The following NFIA variants were observed in gnomAD, a reference collection of about 807,000 sequenced individuals.
The protein encoded by NFIA is nuclear factor 1 A-type.
Under a neutral mutation model 62.8 loss-of-function variants are expected in NFIA, and 8 were observed. That is an observed-to-expected ratio of 0.13 (90% confidence interval 0.07 to 0.23). NFIA has a LOEUF of 0.23. Among genes scored for constraint, NFIA ranks in the 10% least tolerant of loss-of-function variants. NFIA has a pLI of 1.00. For missense variants in NFIA, 410 were observed against 642.1 expected, an observed-to-expected ratio of 0.64 and a Z score of 3.91; for synonymous variants, 235 against 238.1, an observed-to-expected ratio of 0.99 and a Z score of 0.12.
chr1:61,413,300 T>C (rs1402709762), intron 9 of NFIA, among the ~76,000 whole-genome samples: 2 of 152,188 alleles, frequency 1.3e-5, no homozygotes, highest in Non-Finnish European at 2.9e-5. Flanking sequence ...GGATTTAAAA[T>C]TTCTCGTATA....
chr1:61,362,023 G>A (rs1274232924), intron 6 of NFIA, among the ~76,000 whole-genome samples: 1 of 152,068 alleles, frequency 6.6e-6, no homozygotes, highest in Non-Finnish European at 1.5e-5. Flanking sequence ...CAAGGCCTGA[G>A]GGGACATTAA....
At chr1:61,431,579 G>A (rs1426540617) in intron 10 of NFIA, among the ~76,000 whole-genome samples, 1 of 152,238 alleles carries the variant, frequency 6.6e-6, no homozygotes, top group Non-Finnish European at 1.5e-5. Flanking sequence ...AAAGGCACAG[G>A]TGCTATAACC....
chr1:61,309,257 C>T (rs566148926), intron 3 of NFIA, among the ~76,000 whole-genome samples: 16 of 150,094 alleles, frequency 1.1e-4, no homozygotes, highest in African/African-American at 3.7e-4. Flanking sequence ...CTACATGTGA[C>T]GTGTGTCCTA....
chr1:61,282,146 T>C (rs193218802), intron 3 of NFIA, among the ~76,000 whole-genome samples: 4 of 152,222 alleles, frequency 2.6e-5, no homozygotes. Context: ...GAATAGGACA[T>C]CAAGTTGTCC....
At chr1:61,348,815 C>T (rs1438137688) in intron 4 of NFIA, among the ~76,000 whole-genome samples, 2 of 152,174 alleles carry the variant, frequency 1.3e-5, no homozygotes, top group East Asian at 1.9e-4. Flanking sequence ...CTTCCAAGAG[C>T]GAGGGAGTGA....
At chr1:61,238,103 T>C (rs563058309) in intron 2 of NFIA, among the ~76,000 whole-genome samples, 2 of 152,326 alleles carry the variant, frequency 1.3e-5, no homozygotes, top group South Asian at 4.1e-4. Flanking sequence ...CAATTCAAGA[T>C]TATGTGATTA....
At chr1:61,363,165 T>G (rs901173536) in intron 6 of NFIA, among the ~76,000 whole-genome samples, 6 of 152,218 alleles carry the variant, frequency 3.9e-5, no homozygotes, top group African/African-American at 7.2e-5. Flanking sequence ...CCCACACAGA[T>G]AGTAAATCTG....
intron 2 of NFIA, among the ~76,000 whole-genome samples, chr1:61,102,674 T>C (rs142886629): frequency 2.6e-5 from 4 of 152,346 alleles, no homozygotes; most frequent in South Asian, 2.1e-4. Flanking sequence ...GTTAGAATTA[T>C]GAGTCTGCAG....
intron 2 of NFIA, among the ~76,000 whole-genome samples, chr1:61,121,517 A>T (rs1646886769): frequency 6.6e-6 from 1 of 152,026 alleles, no homozygotes; most frequent in Admixed American, 6.6e-5. Flanking sequence ...AAATTAAAAT[A>T]TTTTTTCTGT....
intron 8 of NFIA, among the ~76,000 whole-genome samples, chr1:61,406,217 C>T (rs141231390): frequency 2.0e-5 from 3 of 152,026 alleles, no homozygotes; most frequent in Non-Finnish European, 4.4e-5. Flanking sequence ...CAGAAAAATA[C>T]AAAAGATTCC....
chr1:61,220,181 T>G (rs925742549), intron 2 of NFIA, among the ~76,000 whole-genome samples: 3 of 152,146 alleles, frequency 2.0e-5, no homozygotes, highest in Admixed American at 1.3e-4. Flanking sequence ...AGTGTTTCTG[T>G]TTTTTGTAAT....
rs1668348982 is a variant in NFIA at position 61,457,210 on chromosome 1, T to C, written c.*1890T>C. On this transcript the variant is annotated 3_prime_UTR_variant, in exon 11 of 11. Transcript: ENST00000403491. The surrounding 1 kb of genome is among the most constrained non-coding windows in gnomAD (Gnocchi z 4.2). ...CTTTCTCCCCGAAACAATGTTGTTT[T>C]GTTTTGTTTTTTTTCCTTAATTTGC... 6.6e-6 allele frequency: 1 copy of C among 152,220 alleles called. No homozygotes were observed. Among genetic ancestry groups the C allele is most frequent in the South Asian group, 2.1e-4 (1 of 4,820 alleles). 9.4% of individuals were successfully genotyped at this position (152,220 alleles called of 1,614,324 possible).
intron 1 of NFIA, among the ~76,000 whole-genome samples, chr1:61,086,086 C>G (rs533987070): frequency 1.3e-5 from 2 of 152,198 alleles, no homozygotes; most frequent in African/African-American, 4.8e-5. Flanking sequence ...CTAAGTTATA[C>G]TTTGCATTAT....
chr1:61,349,433 G>T lies in NFIA; in HGVS notation c.701-3017G>T, dbSNP rs189118053. Among the ~76,000 whole-genome samples, 3 of 152,116 alleles carry T rather than the reference G, an allele frequency of 2.0e-5. No individual in the cohort carries two copies. The East Asian group carries it at 5.8e-4, about 29-fold the overall frequency. On this transcript the variant is annotated intron_variant, in intron 4 of 10. Coordinates refer to ENST00000403491, the MANE Select transcript of NFIA (RefSeq NM_001134673.4). ...AGAAATTGTTTTATTTCCTCATACC[G>T]TCCCTCGATTCCATAGTTCCATTAT... is the stretch of plus-strand genomic sequence containing the variant.
At chr1:61,400,603 A>G (rs538167312) in intron 7 of NFIA, among the ~76,000 whole-genome samples, 1 of 152,230 alleles carries the variant, frequency 6.6e-6, no homozygotes, top group African/African-American at 2.4e-5. Flanking sequence ...CTAAATATGC[A>G]TTTACATAAT....
chr1:61,082,058 G>A, upstream of NFIA: 3 of 1,545,730 alleles, frequency 1.9e-6, no homozygotes, highest in Non-Finnish European at 2.6e-6. Context: ...GTCCGCGGAG[G>A]TCTGCAGCGG....
chr1:61,341,170 T>C (rs994252399), intron 4 of NFIA, among the ~76,000 whole-genome samples: 1 of 150,336 alleles, frequency 6.7e-6, no homozygotes, highest in African/African-American at 2.5e-5. Context: ...TTCACACCAT[T>C]CTCCTGCCTC....
chr1:61,254,103 T>G (rs887091493), intron 2 of NFIA, among the ~76,000 whole-genome samples: 2 of 152,196 alleles, frequency 1.3e-5, no homozygotes, highest in Admixed American at 6.5e-5. Context: ...TGGGTTTGTT[T>G]TGTGTGTTCC....
intron 2 of NFIA, among the ~76,000 whole-genome samples, chr1:61,149,838 G>C (rs925262576): frequency 2.0e-5 from 3 of 152,106 alleles, no homozygotes; most frequent in African/African-American, 7.2e-5. Flanking sequence ...TTCAGTAAAT[G>C]GTAGTTGTTT....
Sources: gnomAD v4.1 joint callset for allele counts (sites outside exome capture counted in the v4.1 genomes callset) on GRCh38, gnomAD v4.1.1 for gene constraint, Gnocchi (gnomAD v3.1) non-coding constraint, MANE v1.5 for transcripts, NCBI Gene and HGNC (gene_info 2026-07-23, HGNC 2026-07-21) for gene names.